SWAP70: variants seen among roughly 807,000 people sequenced by gnomAD.
SWAP70 encodes switch-associated protein 70.
SWAP70 carries 34 observed loss-of-function variants against 80.2 expected under a neutral mutation model. The ratio of observed to expected loss-of-function variants is 0.42; its 90% CI spans 0.32 to 0.56. The LOEUF (loss-of-function observed/expected upper bound fraction) is 0.56, where lower values mean the gene tolerates loss of function less well. Among genes scored for constraint, SWAP70 ranks in the 20% least tolerant of loss-of-function variants. The probability of loss-of-function intolerance (pLI) is 0.09; values close to 1 mark genes in which losing one functional copy is unlikely to be tolerated. For synonymous variants in SWAP70, 239 were observed against 238.5 expected, an observed-to-expected ratio of 1.00 and a Z score of -0.02; for missense variants, 578 against 690.7, an observed-to-expected ratio of 0.84 and a Z score of 1.83.
chr11:9,685,662 C>T (rs906411295), intron 1 of SWAP70, among the ~76,000 whole-genome samples: 1 of 151,650 alleles, frequency 6.6e-6, no homozygotes, highest in Non-Finnish European at 1.5e-5. Context: ...GGAGTCTTGT[C>T]TTGCTCTGTC....
At chr11:9,716,292 G>A (rs983174779) in intron 3 of SWAP70, among the ~76,000 whole-genome samples, 2 of 152,162 alleles carry the variant, frequency 1.3e-5, no homozygotes, top group Admixed American at 6.5e-5. Context: ...AAAATACAGC[G>A]AGAATGGAAA....
At chr11:9,706,849 A>G (rs1016085650) in intron 2 of SWAP70, among the ~76,000 whole-genome samples, 2 of 152,004 alleles carry the variant, frequency 1.3e-5, no homozygotes, top group African/African-American at 2.4e-5. Flanking sequence ...AGCTGTGTAT[A>G]TGGTCAGTAC....
At chr11:9,682,327 A>T (rs539214629) in intron 1 of SWAP70, among the ~76,000 whole-genome samples, 1 of 152,198 alleles carries the variant, frequency 6.6e-6, no homozygotes, top group African/African-American at 2.4e-5. Flanking sequence ...TGAAAAAGAG[A>T]TAGAAGAAGA....
intron 4 of SWAP70, among the ~76,000 whole-genome samples, chr11:9,725,550 TATATATATATA>T (rs1564829424): frequency 1.4e-3 from 15 of 10,894 alleles, no homozygotes; most frequent in African/African-American, 4.1e-3. Context: ...TATATATATA[TATATATATATA>T]TATATATATT....
chr11:9,670,657 C>T (rs999668152), intron 1 of SWAP70, among the ~76,000 whole-genome samples: 1 of 152,050 alleles, frequency 6.6e-6, no homozygotes, highest in African/African-American at 2.4e-5. Context: ...GAGATAAGAA[C>T]CCCTTTGGGG....
At chr11:9,737,439 G>GT (rs1314796723) in intron 7 of SWAP70, among the ~76,000 whole-genome samples, 1 of 152,086 alleles carries the variant, frequency 6.6e-6, no homozygotes, top group African/African-American at 2.4e-5. Context: ...TAAAGGTTTT[G>GT]TTTTTTTAAC....
chr11:9,705,302 T>C (rs1160813278), intron 2 of SWAP70, among the ~76,000 whole-genome samples: 2 of 148,268 alleles, frequency 1.3e-5, no homozygotes, highest in East Asian at 4.0e-4. Flanking sequence ...ACACTGGTGA[T>C]CTGTGTATAC....
chr11:9,744,919 G>A (rs982499443), intron 9 of SWAP70, among the ~76,000 whole-genome samples: 7 of 152,040 alleles, frequency 4.6e-5, no homozygotes, highest in Non-Finnish European at 8.8e-5. Context: ...AAGAAAAATC[G>A]AGTTATTGGA....
chr11:9,673,029 T>C (rs1488495702), intron 1 of SWAP70, among the ~76,000 whole-genome samples: 2 of 152,154 alleles, frequency 1.3e-5, no homozygotes, highest in Non-Finnish European at 2.9e-5. Context: ...ACACACCAAG[T>C]AAGCAATCAG....
intron 3 of SWAP70, among the ~76,000 whole-genome samples, chr11:9,721,172 T>G (rs1193203386): frequency 6.6e-6 from 1 of 152,156 alleles, no homozygotes; most frequent in East Asian, 1.9e-4. Context: ...TCTCCTTCCC[T>G]CTTCCCTTTT....
intron 2 of SWAP70, among the ~76,000 whole-genome samples, chr11:9,706,020 GTA>G (rs1424471169): frequency 3.2e-4 from 4 of 12,590 alleles, no homozygotes. Flanking sequence ...GGTGATCTGT[GTA>G]TACTTGGTGA....
intron 2 of SWAP70, among the ~76,000 whole-genome samples, chr11:9,701,646 A>G (rs1339888941): frequency 1.3e-5 from 2 of 150,024 alleles, no homozygotes; most frequent in African/African-American, 4.9e-5. Context: ...TGTTTAGTAA[A>G]GGAATGGAAT....
At chr11:9,712,520 C>T (rs1432285159) in intron 2 of SWAP70, among the ~76,000 whole-genome samples, 1 of 150,806 alleles carries the variant, frequency 6.6e-6, no homozygotes, top group Non-Finnish European at 1.5e-5. Context: ...ATAGCAAGAC[C>T]TCATCTCTAT....
chr11:9,728,004 TC>T (rs774274201), intron 4 of SWAP70, 48 bp from the exon 5 acceptor site: 4 of 1,238,990 alleles, frequency 3.2e-6, no homozygotes, highest in African/African-American at 3.3e-5. Context: ...AGATGTCAGC[TC>T]TTACAAATAA....
intron 9 of SWAP70, among the ~76,000 whole-genome samples, chr11:9,744,151 A>G (rs1010091159): frequency 2.7e-4 from 41 of 152,058 alleles, no homozygotes; most frequent in African/African-American, 9.4e-4. Flanking sequence ...TTTAGTAGAG[A>G]CGGGGTTTAA....
intron 10 of SWAP70, 122 bp from the exon 11 acceptor site, chr11:9,748,965 G>C: frequency 6.4e-6 from 3 of 467,618 alleles, no homozygotes; most frequent in Non-Finnish European, 1.1e-5. Flanking sequence ...CCACTTCTTA[G>C]AATGGGCTAT....
chr11:9,710,784 A>G (rs1433377335), intron 2 of SWAP70, among the ~76,000 whole-genome samples: 1 of 151,772 alleles, frequency 6.6e-6, no homozygotes, highest in African/African-American at 2.4e-5. Context: ...GGTACAAGCA[A>G]TCCTTCTGCC....
Position 9,738,274 on chromosome 11 carries a change from T to A in SWAP70, c.1142T>A (p.Val381Glu), listed in dbSNP as rs1292183844. Reference protein sequence around the residue: ...EEEKKRLQTQVELQARFSTEL... With the variant: ...EEEKKRLQTQEELQARFSTEL... ...GAAAAGAAACGCCTTCAGACTCAAG[T>A]GGAACTTCAGGCCAGGTTCAGCACA... The change falls in exon 8 of 12, where the codon GTG becomes GAG. Residue 381 changes from valine (V) to glutamate (E), a missense_variant. By Grantham distance (121) the Val-to-Glu change is moderately radical. Coordinates refer to ENST00000318950, the MANE Select transcript of SWAP70 (RefSeq NM_015055.4). 4.3e-6 allele frequency: 7 copies of A among 1,611,290 alleles called. No homozygotes were observed. The highest frequency in any genetic ancestry group is 1.3e-5 in the African/African-American group (1 of 74,718).
chr11:9,704,466 C>T (rs1850874206), intron 2 of SWAP70, among the ~76,000 whole-genome samples: 1 of 151,866 alleles, frequency 6.6e-6, no homozygotes, highest in Non-Finnish European at 1.5e-5. Flanking sequence ...ATAATCTCAG[C>T]TCACTGCAAC....
Sources: allele counts gnomAD v4.1 joint callset (sites outside exome capture counted in the v4.1 genomes callset), GRCh38; gene constraint gnomAD v4.1.1; transcripts MANE v1.5; gene names NCBI Gene and HGNC (gene_info 2026-07-23, HGNC 2026-07-21).